BMPER: variants seen among roughly 807,000 people sequenced by gnomAD.
BMPER encodes the protein BMP binding endothelial regulator, also known as BMP-binding endothelial regulator protein.
BMPER carries 45 observed loss-of-function variants against 87.3 expected under a neutral mutation model. That is an observed-to-expected ratio of 0.52 (90% CI 0.41 to 0.66). The LOEUF is 0.66. Among genes scored for constraint, BMPER ranks in the 30% least tolerant of loss-of-function variants. The pLI, the probability that BMPER is intolerant of heterozygous loss-of-function variation, is 0.00. For missense variants in BMPER, 784 were observed against 867.5 expected (o/e 0.90, Z 1.21); for synonymous variants, 326 against 316.2 (o/e 1.03, Z -0.33).
At chr7:33,989,870 G>T (rs1446909996) in intron 6 of BMPER, among the ~76,000 whole-genome samples, 1 of 152,114 alleles carries the variant, frequency 6.6e-6, no homozygotes, top group Non-Finnish European at 1.5e-5. Flanking sequence ...TATTAAATAG[G>T]GAATCCTTTC....
intron 13 of BMPER, among the ~76,000 whole-genome samples, chr7:34,138,769 T>G (rs1014910100): frequency 6.6e-6 from 1 of 152,190 alleles, no homozygotes; most frequent in South Asian, 2.1e-4. Flanking sequence ...CTCAGAGTAA[T>G]GCAACCTGTG....
intron 13 of BMPER, 123 bp downstream of exon 13, chr7:34,086,215 T>C: frequency 8.9e-7 from 1 of 1,125,300 alleles, no homozygotes; most frequent in South Asian, 1.3e-5. Context: ...GGTAGGCATC[T>C]TCTTGCTGTC....
intron 14 of BMPER, among the ~76,000 whole-genome samples, chr7:34,151,766 T>C (rs777782806): frequency 3.9e-5 from 6 of 152,232 alleles, no homozygotes; most frequent in Non-Finnish European, 5.9e-5. Flanking sequence ...CAGTGCTTAC[T>C]ATGAATCTAT....
At chr7:34,037,129 A>T (rs1051708247) in intron 6 of BMPER, among the ~76,000 whole-genome samples, 3 of 152,036 alleles carry the variant, frequency 2.0e-5, no homozygotes, top group Admixed American at 2.0e-4. Context: ...TGAGGCTGAG[A>T]GTTTGAGGTC....
intron 6 of BMPER, among the ~76,000 whole-genome samples, chr7:34,021,863 A>G (rs1787197518): frequency 2.0e-5 from 3 of 152,022 alleles, no homozygotes; most frequent in African/African-American, 4.8e-5. Flanking sequence ...TGAGTGCAAC[A>G]TGATGCAAAA....
At chr7:34,071,195 A>G (rs961082913) in intron 11 of BMPER, among the ~76,000 whole-genome samples, 2 of 152,156 alleles carry the variant, frequency 1.3e-5, no homozygotes, top group African/African-American at 2.4e-5. Flanking sequence ...TTCTAAGTTC[A>G]TTACAGTCTT....
chr7:34,122,163 G>C (rs1340887936), intron 13 of BMPER, among the ~76,000 whole-genome samples: 4 of 152,100 alleles, frequency 2.6e-5, no homozygotes, highest in Non-Finnish European at 5.9e-5. Flanking sequence ...CTCAAAGCTT[G>C]TACACAAAGA....
At chr7:34,120,451 T>G (rs1790234204) in intron 13 of BMPER, among the ~76,000 whole-genome samples, 1 of 151,864 alleles carries the variant, frequency 6.6e-6, no homozygotes, top group African/African-American at 2.4e-5. Context: ...CAGACTGGAG[T>G]GCGATGGCAC....
chr7:33,978,105 G>A (rs192320850), intron 6 of BMPER, among the ~76,000 whole-genome samples: 14 of 152,296 alleles, frequency 9.2e-5, no homozygotes, highest in Non-Finnish European at 1.6e-4. Flanking sequence ...ATTAAGCCAC[G>A]AAGTCTCTGC....
chr7:34,040,819 A>T (rs1018086665), intron 6 of BMPER, among the ~76,000 whole-genome samples: 1 of 152,154 alleles, frequency 6.6e-6, no homozygotes, highest in African/African-American at 2.4e-5. Context: ...TTTAAAATGT[A>T]AAAGAGGGAG....
intron 13 of BMPER, among the ~76,000 whole-genome samples, chr7:34,138,208 G>C (rs578215580): frequency 6.6e-6 from 1 of 152,338 alleles, no homozygotes; most frequent in East Asian, 1.9e-4. Flanking sequence ...TCAGGAGGCA[G>C]TAGCTGTAGT....
chr7:34,048,481 G>A (rs937281332), intron 7 of BMPER, among the ~76,000 whole-genome samples: 1 of 152,186 alleles, frequency 6.6e-6, no homozygotes, highest in Non-Finnish European at 1.5e-5. Flanking sequence ...GTGTGTCAGT[G>A]TCCCTGGGAT....
intron 12 of BMPER, among the ~76,000 whole-genome samples, chr7:34,084,266 A>G (rs1483144235): frequency 1.3e-5 from 2 of 152,172 alleles, no homozygotes. Context: ...GCACCACTGC[A>G]CTCCAGCCTG....
chr7:34,113,312 A>T (rs1057011299), intron 13 of BMPER, among the ~76,000 whole-genome samples: 1 of 151,654 alleles, frequency 6.6e-6, no homozygotes, highest in Non-Finnish European at 1.5e-5. Flanking sequence ...TATAGTAGTT[A>T]TTATCATATG....
rs78439723 is a variant in BMPER at position 33,932,136 on chromosome 7, G to C, written c.220-5153G>C. ...CAACTTTCCCTCTCAGAGTCGCCAG[G>C]CTGGGGCATCTATCCCAGGAAATTG... On this transcript the variant is annotated intron_variant, in intron 2 of 14. Transcript: ENST00000649409. Among the ~76,000 whole-genome samples, 40 of 152,312 alleles carry C rather than the reference G, an allele frequency of 2.6e-4. No individual in the cohort carries two copies. The East Asian group carries it at 7.7e-3, about 29-fold the overall frequency.
intron 13 of BMPER, among the ~76,000 whole-genome samples, chr7:34,134,561 A>G (rs6961966): frequency 0.19 from 28,205 of 152,052 alleles, 2,730 homozygotes; most frequent in Non-Finnish European, 0.2. Flanking sequence ...AGTGTTTCCT[A>G]CTTGAGCAAA....
intron 6 of BMPER, among the ~76,000 whole-genome samples, chr7:33,987,930 T>C (rs1319522192): frequency 6.6e-6 from 1 of 152,228 alleles, no homozygotes; most frequent in Admixed American, 6.5e-5. Context: ...CATTTCTGAC[T>C]TGATTAGATA....
At chr7:33,929,887 T>C (rs1250001213) in intron 2 of BMPER, among the ~76,000 whole-genome samples, 1 of 152,260 alleles carries the variant, frequency 6.6e-6, no homozygotes, top group Non-Finnish European at 1.5e-5. Flanking sequence ...TTCAGCAACC[T>C]GCCTGGAAAA....
chr7:33,974,632 A>C lies in BMPER; in HGVS notation c.494-70A>C. The C allele has an allele frequency of 2.1e-6, 3 of 1,459,308 alleles. No individual in the cohort carries two copies. The South Asian group carries it at 3.4e-5, about 17-fold the overall frequency. The allele number at this position is 1,459,308 out of a possible 1,614,324, so 90.4% of individuals were successfully genotyped here. ...GAGGTGGGCAACGGATGAACTGTGG[A>C]TAGAAGGATTGTGTCAGGTTGAACG... On this transcript the variant is annotated intron_variant, in intron 5 of 14. Coordinates refer to ENST00000649409, the MANE Select transcript of BMPER (RefSeq NM_001365308.1).
Sources: allele counts gnomAD v4.1 joint callset (sites outside exome capture counted in the v4.1 genomes callset), GRCh38; gene constraint gnomAD v4.1.1; transcripts MANE v1.5; gene names NCBI Gene and HGNC (gene_info 2026-07-23, HGNC 2026-07-21).